The following ADGRL3 variants were observed in gnomAD, a reference collection of about 807,000 sequenced individuals.
ADGRL3 encodes the protein calcium-independent alpha-latrotoxin receptor 3.
In ADGRL3, 62 loss-of-function variants were observed where a neutral mutation model predicts 153.5. The ratio of observed to expected loss-of-function variants is 0.40; its 90% confidence interval spans 0.33 to 0.50. The LOEUF is 0.50. Ranked by LOEUF, ADGRL3 falls within the 20% of genes least tolerant of loss-of-function variation. ADGRL3 has a pLI of 0.47. For missense variants in ADGRL3, 1,641 were observed against 1,859.4 expected, an observed-to-expected ratio of 0.88 and a Z score of 2.16; for synonymous variants, 710 against 672.5, an observed-to-expected ratio of 1.06 and a Z score of -0.86.
At chr4:61,774,357 CAAA>C (rs372436258) in intron 8 of ADGRL3, among the ~76,000 whole-genome samples, 2 of 60,180 alleles carry the variant, frequency 3.3e-5, no homozygotes. Context: ...AACTCTGTCT[CAAA>C]AAAAAAAAAA....
At chr4:61,370,009 A>G (rs867806676) in intron 1 of ADGRL3, among the ~76,000 whole-genome samples, 17 of 151,946 alleles carry the variant, frequency 1.1e-4, no homozygotes, top group African/African-American at 3.4e-4. Flanking sequence ...TTTCTAGTTT[A>G]TTTGCATAGA....
intron 8 of ADGRL3, among the ~76,000 whole-genome samples, chr4:61,786,470 T>C: frequency 6.6e-6 from 1 of 152,126 alleles, no homozygotes; most frequent in East Asian, 1.9e-4. Flanking sequence ...AGGAAGAGCA[T>C]TCGTGAGATG....
At chr4:61,255,858 G>T (rs1210425447) in intron 1 of ADGRL3, among the ~76,000 whole-genome samples, 1 of 152,144 alleles carries the variant, frequency 6.6e-6, no homozygotes, top group Admixed American at 6.5e-5. Context: ...CTAGTAAGTT[G>T]TTATGGAAGA....
intron 2 of ADGRL3, among the ~76,000 whole-genome samples, chr4:61,486,386 G>A (rs1450665098): frequency 6.6e-6 from 1 of 152,096 alleles, no homozygotes; most frequent in Non-Finnish European, 1.5e-5. Context: ...GTCACTAGAT[G>A]CGATATATTG....
At chr4:61,699,197 C>T (rs2095701452) in intron 6 of ADGRL3, among the ~76,000 whole-genome samples, 1 of 151,832 alleles carries the variant, frequency 6.6e-6, no homozygotes, top group Non-Finnish European at 1.5e-5. Context: ...ACTGAATTCT[C>T]CAAAAGTGAT....
At chr4:61,821,970 C>T (rs1025105909) in intron 9 of ADGRL3, among the ~76,000 whole-genome samples, 5 of 152,042 alleles carry the variant, frequency 3.3e-5, no homozygotes, top group Non-Finnish European at 5.9e-5. Context: ...TAAAAACAGT[C>T]GAAATTAACT....
At chr4:61,435,971 A>G (rs1047997422) in intron 2 of ADGRL3, among the ~76,000 whole-genome samples, 43 of 152,118 alleles carry the variant, frequency 2.8e-4, no homozygotes, top group African/African-American at 9.7e-4. Flanking sequence ...AAATTAGATA[A>G]TAATTTTAAA....
chr4:61,395,697 A>G (rs1203509100), intron 2 of ADGRL3, among the ~76,000 whole-genome samples: 1 of 151,966 alleles, frequency 6.6e-6, no homozygotes, highest in Non-Finnish European at 1.5e-5. Flanking sequence ...TAAAGCTTTC[A>G]TTGAAAAAAA....
chr4:61,402,458 G>T (rs556550885), intron 2 of ADGRL3, among the ~76,000 whole-genome samples: 1 of 151,980 alleles, frequency 6.6e-6, no homozygotes, highest in African/African-American at 2.4e-5. Context: ...TAACACATAC[G>T]AATTTTATTC....
At chr4:61,372,537 G>A (rs1250090184) in intron 1 of ADGRL3, among the ~76,000 whole-genome samples, 1 of 152,228 alleles carries the variant, frequency 6.6e-6, no homozygotes, top group African/African-American at 2.4e-5. Context: ...CAGTTAGGCT[G>A]CTCGGGGGTC....
At chr4:61,415,776 T>C (rs1243142087) in intron 2 of ADGRL3, among the ~76,000 whole-genome samples, 1 of 152,080 alleles carries the variant, frequency 6.6e-6, no homozygotes, top group Non-Finnish European at 1.5e-5. Flanking sequence ...TTTTTTTCAA[T>C]ATAGCATATA....
chr4:61,458,954 CT>C (rs2097781840), intron 2 of ADGRL3, among the ~76,000 whole-genome samples: 1 of 151,390 alleles, frequency 6.6e-6, no homozygotes, highest in East Asian at 1.9e-4. Context: ...TCAATGAATG[CT>C]TATTCAAAAA....
At chr4:61,268,414 A>G (rs1018935297) in intron 1 of ADGRL3, among the ~76,000 whole-genome samples, 2 of 151,614 alleles carry the variant, frequency 1.3e-5, no homozygotes, top group African/African-American at 4.8e-5. Flanking sequence ...TTATTTGCTG[A>G]TTAAGCTAAC....
chr4:61,804,572 A>T (rs1284329772), intron 8 of ADGRL3, among the ~76,000 whole-genome samples: 1 of 152,130 alleles, frequency 6.6e-6, no homozygotes, highest in Non-Finnish European at 1.5e-5. Flanking sequence ...CATACTGGAG[A>T]TATTAAAAAT....
intron 19 of ADGRL3, among the ~76,000 whole-genome samples, chr4:61,991,207 TG>T (rs1560475902): frequency 1.3e-5 from 2 of 151,956 alleles, no homozygotes. Context: ...CAAAATAGAT[TG>T]TATTAAAAAG....
chr4:61,623,922 G>A (rs2092683576), intron 5 of ADGRL3, among the ~76,000 whole-genome samples: 1 of 152,072 alleles, frequency 6.6e-6, no homozygotes, highest in Non-Finnish European at 1.5e-5. Context: ...CTTGAAGGTG[G>A]AATGGAACTC....
At chr4:61,407,303 A>G (rs1275494915) in intron 2 of ADGRL3, among the ~76,000 whole-genome samples, 1 of 152,174 alleles carries the variant, frequency 6.6e-6, no homozygotes, top group Non-Finnish European at 1.5e-5. Context: ...CTTTGTTATT[A>G]CAGAAGTAGA....
chr4:61,246,474 G>A (rs1218309838), intron 1 of ADGRL3, among the ~76,000 whole-genome samples: 2 of 151,818 alleles, frequency 1.3e-5, no homozygotes, highest in African/African-American at 4.8e-5. Context: ...AAATTTACAG[G>A]AGTTATTTTT....
At chr4:61,969,187 G>C (rs1560445617) in intron 17 of ADGRL3, among the ~76,000 whole-genome samples, 1 of 152,050 alleles carries the variant, frequency 6.6e-6, no homozygotes, top group Non-Finnish European at 1.5e-5. Flanking sequence ...ACTGTACTCA[G>C]GTGTGTTGAG....
Sources: allele counts gnomAD v4.1 joint callset (sites outside exome capture counted in the v4.1 genomes callset), GRCh38; gene constraint gnomAD v4.1.1; transcripts MANE v1.5; gene names NCBI Gene and HGNC (gene_info 2026-07-23, HGNC 2026-07-21).